Variants in LTBP1 observed in about 807,000 individuals in gnomAD.
The protein encoded by LTBP1 is latent-transforming growth factor beta-binding protein 1.
In LTBP1, 129 loss-of-function variants were observed where a neutral mutation model predicts 207.6. The ratio of observed to expected loss-of-function variants is 0.62; its 90% confidence interval spans 0.54 to 0.72. The LOEUF (loss-of-function observed/expected upper bound fraction) is 0.72, where lower values mean the gene tolerates loss of function less well. Ranked by LOEUF, LTBP1 falls within the 30% of genes least tolerant of loss-of-function variation. The pLI is 0.00. For synonymous variants in LTBP1, 963 were observed against 833.7 expected (o/e 1.16, Z -2.67); for missense variants, 2,281 against 2,217.2 (o/e 1.03, Z -0.58).
chr2:33,278,606 T>A lies in LTBP1; in HGVS notation c.2993-1433T>A, dbSNP rs139526656. On this transcript the variant is annotated intron_variant, in intron 18 of 33. Transcript: ENST00000404816. Reference sequence around the variant, plus strand: ...TTATAGAAGAGGGGAAAAGCCGAGGTGAGAGCAGGTAGAAATTCAGGGACA... The same window carrying A: ...TTATAGAAGAGGGGAAAAGCCGAGGAGAGAGCAGGTAGAAATTCAGGGACA... Among the ~76,000 whole-genome samples the A allele has an allele frequency of 3.9e-5, 6 of 152,266 alleles. No homozygotes were observed. In the East Asian group the frequency reaches 1.2e-3, roughly 29 times the overall value.
chr2:33,243,828 T>C, intron 10 of LTBP1, 44 bp downstream of exon 10: 7 of 1,608,942 alleles, frequency 4.4e-6, no homozygotes, highest in Non-Finnish European at 5.9e-6. Context: ...ATTAATTGTC[T>C]TTGGGGTTTT....
intron 2 of LTBP1, among the ~76,000 whole-genome samples, chr2:33,008,394 G>C (rs1687218905): frequency 6.6e-6 from 1 of 152,150 alleles, no homozygotes; most frequent in Admixed American, 6.5e-5. Flanking sequence ...TAGCCCTTAA[G>C]TGAATTAACA....
chr2:33,302,848 A>C (rs2094010700), intron 22 of LTBP1, among the ~76,000 whole-genome samples: 2 of 151,914 alleles, frequency 1.3e-5, no homozygotes, highest in Non-Finnish European at 2.9e-5. Flanking sequence ...GGATCACCTG[A>C]GGTCAGGAGG....
chr2:33,033,264 AACATGT>A (rs1376355870), intron 3 of LTBP1, among the ~76,000 whole-genome samples: 1 of 152,160 alleles, frequency 6.6e-6, no homozygotes, highest in Admixed American at 6.5e-5. Flanking sequence ...CATAGGACAA[AACATGT>A]AATACTGTCC....
chr2:33,083,537 A>G (rs1279442542), intron 3 of LTBP1, among the ~76,000 whole-genome samples: 4 of 151,908 alleles, frequency 2.6e-5, no homozygotes, highest in African/African-American at 4.8e-5. Flanking sequence ...AGAGGGGGGA[A>G]TCTGGATTCA....
intron 5 of LTBP1, among the ~76,000 whole-genome samples, chr2:33,146,979 A>C (rs557076144): frequency 7.9e-5 from 12 of 152,244 alleles, no homozygotes; most frequent in Non-Finnish European, 1.8e-4. Flanking sequence ...AGAGGTTATC[A>C]GTGACTTAAT....
At chr2:33,061,193 A>T (rs1168776160) in intron 3 of LTBP1, among the ~76,000 whole-genome samples, 2 of 152,148 alleles carry the variant, frequency 1.3e-5, no homozygotes, top group African/African-American at 4.8e-5. Context: ...TGGATGGATG[A>T]TACTGGTCCA....
intron 32 of LTBP1, among the ~76,000 whole-genome samples, chr2:33,392,209 G>C: frequency 6.7e-6 from 1 of 150,152 alleles, no homozygotes; most frequent in East Asian, 1.9e-4. Flanking sequence ...TTTTGAGACA[G>C]AGTCTTCCTC....
intron 5 of LTBP1, among the ~76,000 whole-genome samples, chr2:33,184,250 C>G (rs569192750): frequency 6.6e-6 from 1 of 152,248 alleles, no homozygotes; most frequent in Non-Finnish European, 1.5e-5. Context: ...TTTACTTAAT[C>G]CTCTGCTTGA....
intron 19 of LTBP1, among the ~76,000 whole-genome samples, chr2:33,288,279 G>A (rs1049804765): frequency 1.3e-5 from 2 of 152,232 alleles, no homozygotes; most frequent in Non-Finnish European, 2.9e-5. Context: ...AGGCTGGGGA[G>A]AACATGACTG....
chr2:33,340,617 T>C (rs1483163510), intron 24 of LTBP1, among the ~76,000 whole-genome samples: 2 of 152,044 alleles, frequency 1.3e-5, no homozygotes, highest in African/African-American at 2.4e-5. Flanking sequence ...CTTTTTCTCA[T>C]AGGAGTCTCA....
intron 7 of LTBP1, among the ~76,000 whole-genome samples, chr2:33,203,110 C>T (rs965588225): frequency 2.0e-5 from 3 of 152,198 alleles, no homozygotes; most frequent in African/African-American, 7.2e-5. Context: ...CTGTAGCCAT[C>T]CGTGCCAAAC....
At chr2:33,305,341 T>C (rs973240146) in intron 22 of LTBP1, among the ~76,000 whole-genome samples, 3 of 151,008 alleles carry the variant, frequency 2.0e-5, no homozygotes, top group African/African-American at 7.4e-5. Context: ...ATATATATGA[T>C]AAATAAGTAA....
intron 24 of LTBP1, among the ~76,000 whole-genome samples, chr2:33,325,750 A>G (rs1402013705): frequency 6.6e-6 from 1 of 152,348 alleles, no homozygotes; most frequent in Non-Finnish European, 1.5e-5. Context: ...GTTTCTGAAC[A>G]TCGTGGAATT....
intron 7 of LTBP1, among the ~76,000 whole-genome samples, chr2:33,200,086 A>G (rs1289521221): frequency 1.3e-5 from 2 of 152,218 alleles, no homozygotes; most frequent in Non-Finnish European, 2.9e-5. Context: ...ATCCCCATCA[A>G]GCTACCAATG....
At chr2:33,268,146 A>G (rs185299893) in intron 15 of LTBP1, among the ~76,000 whole-genome samples, 72 of 152,390 alleles carry the variant, frequency 4.7e-4, no homozygotes, top group African/African-American at 1.3e-3. Flanking sequence ...TACACTATAC[A>G]TAGTGATCTG....
intron 5 of LTBP1, among the ~76,000 whole-genome samples, chr2:33,167,372 A>C (rs1239573715): frequency 3.9e-5 from 6 of 152,158 alleles, no homozygotes; most frequent in Admixed American, 1.3e-4. Flanking sequence ...AAAAAAAAAA[A>C]AAAACCAAAC....
chr2:33,105,840 A>T (rs1379550232), intron 3 of LTBP1, among the ~76,000 whole-genome samples: 1 of 152,174 alleles, frequency 6.6e-6, no homozygotes, highest in Non-Finnish European at 1.5e-5. Flanking sequence ...ATAAGACAAC[A>T]ATGAAGTTTG....
intron 17 of LTBP1, among the ~76,000 whole-genome samples, chr2:33,275,306 A>G (rs551280790): frequency 6.6e-6 from 1 of 152,260 alleles, no homozygotes; most frequent in South Asian, 2.1e-4. Flanking sequence ...TAGACAAGAT[A>G]CATTAAATGT....
Sources: allele counts gnomAD v4.1 joint callset (sites outside exome capture counted in the v4.1 genomes callset), GRCh38; gene constraint gnomAD v4.1.1; transcripts MANE v1.5; gene names NCBI Gene and HGNC (gene_info 2026-07-23, HGNC 2026-07-21).